KLHDC1: variants seen among roughly 807,000 people sequenced by gnomAD.
KLHDC1 encodes the protein kelch domain-containing protein 1.
A neutral mutation model predicts 68.3 loss-of-function variants in KLHDC1; 53 were observed. That is an observed-to-expected ratio of 0.78 (90% CI 0.62 to 0.98). The LOEUF (loss-of-function observed/expected upper bound fraction) is 0.98, where lower values mean the gene tolerates loss of function less well. Among genes scored for constraint, KLHDC1 ranks in the 50% least tolerant of loss-of-function variants. The pLI is 0.00. For missense variants in KLHDC1, 470 were observed against 492.3 expected (o/e 0.95, Z 0.43); for synonymous variants, 148 against 159.0 (o/e 0.93, Z 0.52).
chr14:49,709,350 C>T (rs1888139083), intron 2 of KLHDC1, 121 bp downstream of exon 2: 1 of 519,816 alleles, frequency 1.9e-6, no homozygotes, highest in Non-Finnish European at 3.4e-6. Context: ...GTCTCCCTTT[C>T]CTTTCCTTTC....
chr14:49,723,891 G>C lies in KLHDC1; in HGVS notation c.422G>C (p.Gly141Ala). 6.3e-7 allele frequency: 1 copy of C among 1,596,442 alleles called. No individual in the cohort carries two copies. Among genetic ancestry groups the C allele is most frequent in the Non-Finnish European group, 8.6e-7 (1 of 1,167,132 alleles). Residue 141 changes from glycine (G) to alanine (A), a missense_variant, in exon 5 of 13, where the codon GGT (glycine) becomes GCT (alanine). Coordinates refer to ENST00000359332, the MANE Select transcript of KLHDC1 (RefSeq NM_172193.3). ...VYKDRLIYFG[G>A]YGCRRHSELQ... ...TTTTTCAGACTAATATATTTTGGTG[G>C]TTATGGGTGTAGGAGACACAGTGAA...
intron 10 of KLHDC1, among the ~76,000 whole-genome samples, chr14:49,737,007 C>T (rs1352295971): frequency 6.6e-6 from 1 of 152,148 alleles, no homozygotes; most frequent in Non-Finnish European, 1.5e-5. Flanking sequence ...TCAGCAAGGA[C>T]CCTTTTTTAT....
intron 11 of KLHDC1, among the ~76,000 whole-genome samples, chr14:49,743,072 CAAAAAAAAAAAAAA>C (rs55778725): frequency 3.4e-5 from 2 of 58,350 alleles, no homozygotes; most frequent in Non-Finnish European, 6.0e-5. Context: ...ACCCTGTCTC[CAAAAAAAAAAAAAA>C]AAAAAAAAAG....
intron 1 of KLHDC1, among the ~76,000 whole-genome samples, chr14:49,696,676 A>C (rs761370971): frequency 6.6e-6 from 1 of 152,182 alleles, no homozygotes; most frequent in Non-Finnish European, 1.5e-5. Context: ...AACTTCCTCC[A>C]TGTCAGGAAT....
intron 1 of KLHDC1, among the ~76,000 whole-genome samples, chr14:49,698,800 G>A (rs1887816427): frequency 6.6e-6 from 1 of 152,040 alleles, no homozygotes; most frequent in African/African-American, 2.4e-5. Flanking sequence ...TCAGGTGTGA[G>A]CCACTGTGCC....
intron 12 of KLHDC1, among the ~76,000 whole-genome samples, chr14:49,749,677 CAAAAAAA>C (rs1191978580): frequency 1.4e-3 from 78 of 53,794 alleles, no homozygotes; most frequent in African/African-American, 4.7e-3. Flanking sequence ...GACTCCGTCT[CAAAAAAA>C]AAAAAAAAAA....
In KLHDC1 at chr14:49,734,595, G is replaced by A; in HGVS notation, c.830G>A (p.Gly277Asp). The A allele has an allele frequency of 1.3e-6, 2 of 1,582,778 alleles. No individual in the cohort carries two copies. Among genetic ancestry groups the A allele is most frequent in the Non-Finnish European group, 1.7e-6 (2 of 1,159,868 alleles). ...AACTGTCATGATATTGCAGGTGATG[G>A]TTGGATTCATAATGTCACAACAAAT... The part of the protein sequence containing the change: ...LSADNIPLSD[G>D]WIHNVTTNCW... Residue 277 changes from glycine to aspartate, a missense_variant, in exon 10 of 13, where the codon GGT becomes GAT. By Grantham distance (94) the Gly-to-Asp change is moderately conservative. Transcript: ENST00000359332.
chr14:49,743,769 T>G lies in KLHDC1; in HGVS notation c.998T>G (p.Leu333Ter). 1 of 1,595,382 alleles carries G rather than the reference T, an allele frequency of 6.3e-7. No homozygotes were observed. Among genetic ancestry groups the G allele is most frequent in the Non-Finnish European group, 8.6e-7 (1 of 1,166,214 alleles). ...LALDTGHCND[L>*]LIFQTQPYSL... ...GTTGATTAGGGTCACTGTAATGATT[T>G]ATTGATCTTTCAAACACAGCCTTAT... Residue 333 changes from leucine to a stop codon, truncating the protein, a stop_gained, in exon 12 of 13, where the codon TTA becomes TGA. Coordinates refer to ENST00000359332, the MANE Select transcript of KLHDC1 (RefSeq NM_172193.3). LOFTEE classifies it high-confidence loss of function.
At chr14:49,711,961 A>AGG (rs2139740405) in intron 4 of KLHDC1, among the ~76,000 whole-genome samples, 2 of 119,382 alleles carry the variant, frequency 1.7e-5, no homozygotes, top group African/African-American at 6.6e-5. Flanking sequence ...ACTGTCACCC[A>AGG]GGCTGGAATG....
intron 7 of KLHDC1, 145 bp from the exon 8 acceptor site, chr14:49,729,345 G>T: frequency 1.5e-6 from 1 of 654,616 alleles, no homozygotes. Flanking sequence ...TCTTATTAAT[G>T]CTTAGCATTG....
chr14:49,750,418 G>A (rs973373034), intron 12 of KLHDC1, among the ~76,000 whole-genome samples: 2 of 152,270 alleles, frequency 1.3e-5, no homozygotes, highest in African/African-American at 2.4e-5. Flanking sequence ...GGCTTGCTAA[G>A]GTTGTCTTAG....
intron 4 of KLHDC1, among the ~76,000 whole-genome samples, chr14:49,721,772 G>A (rs1888530806): frequency 6.6e-6 from 1 of 152,066 alleles, no homozygotes; most frequent in Non-Finnish European, 1.5e-5. Context: ...ATCTCTCCAT[G>A]TTTTATAGTC....
chr14:49,744,048 A>G (rs1313742305), intron 12 of KLHDC1, among the ~76,000 whole-genome samples: 2 of 152,084 alleles, frequency 1.3e-5, no homozygotes, highest in Non-Finnish European at 2.9e-5. Context: ...CTCTGAGAGG[A>G]CAAAGCAGGA....
At chr14:49,729,642 G>T (rs1888755258) in intron 8 of KLHDC1, 94 bp downstream of exon 8, 10 of 784,898 alleles carry the variant, frequency 1.3e-5, no homozygotes, top group Non-Finnish European at 1.9e-5. Context: ...AAACTGGACT[G>T]GTATTTTTTT....
intron 9 of KLHDC1, among the ~76,000 whole-genome samples, chr14:49,733,610 G>C (rs751929055): frequency 6.6e-6 from 1 of 151,438 alleles, no homozygotes; most frequent in Non-Finnish European, 1.5e-5. Context: ...GTATGTAGAG[G>C]TGGGGTTTCA....
intron 1 of KLHDC1, among the ~76,000 whole-genome samples, chr14:49,706,798 A>G (rs1566598003): frequency 6.6e-6 from 1 of 152,158 alleles, no homozygotes; most frequent in Non-Finnish European, 1.5e-5. Flanking sequence ...AAATGTGTAT[A>G]CAAGTATTTT....
intron 10 of KLHDC1, 35 bp from the exon 11 acceptor site, chr14:49,740,063 C>A: frequency 8.5e-7 from 1 of 1,173,424 alleles, no homozygotes; most frequent in Non-Finnish European, 1.3e-6. Flanking sequence ...TCTCCCATGA[C>A]AGTGTTTCAC....
rs908391197 is a variant in KLHDC1, at chr14:49,693,273, G to C, written c.79G>C (p.Val27Leu). The change falls in exon 1 of 13, where the codon GTG becomes CTG. Residue 27 changes from valine (V) to leucine (L), a missense_variant. Transcript: ENST00000359332. The part of the protein sequence containing the change: ...CAVVDGNFLY[V>L]WGGYVSIEDN... ...CGTGGTGGACGGAAACTTCCTCTAC[G>C]TGTGGGGGGGCTACGTGGTAAGGGG... 1 of 1,556,640 alleles carries C rather than the reference G, an allele frequency of 6.4e-7. No homozygotes were observed. Among genetic ancestry groups the C allele is most frequent in the Non-Finnish European group, 8.7e-7 (1 of 1,152,938 alleles).
At chr14:49,697,306 G>A (rs1424184212) in intron 1 of KLHDC1, among the ~76,000 whole-genome samples, 4 of 152,160 alleles carry the variant, frequency 2.6e-5, no homozygotes, top group Non-Finnish European at 5.9e-5. Context: ...AGGGGGGAAT[G>A]GTTGGTCAGT....
Sources: allele counts gnomAD v4.1 joint callset (sites outside exome capture counted in the v4.1 genomes callset), GRCh38; gene constraint gnomAD v4.1.1; transcripts MANE v1.5; gene names NCBI Gene and HGNC (gene_info 2026-07-23, HGNC 2026-07-21).